The following TNFSF13B variants were observed in gnomAD, a reference collection of about 807,000 sequenced individuals.
TNFSF13B encodes tumor necrosis factor ligand superfamily member 13B.
In TNFSF13B, 8 loss-of-function variants were observed where a neutral mutation model predicts 29.1. The ratio of observed to expected loss-of-function variants is 0.27; its 90% CI spans 0.16 to 0.50. TNFSF13B has a LOEUF of 0.50. Ranked by LOEUF, TNFSF13B falls within the 20% of genes least tolerant of loss-of-function variation. The pLI is 0.98. For synonymous variants in TNFSF13B, 125 were observed against 130.8 expected, an observed-to-expected ratio of 0.96 and a Z score of 0.30; for missense variants, 248 against 334.9, an observed-to-expected ratio of 0.74 and a Z score of 2.03.
chr13:108,294,904 G>C, intron 3 of TNFSF13B, among the ~76,000 whole-genome samples: 1 of 144,850 alleles, frequency 6.9e-6, no homozygotes, highest in East Asian at 1.9e-4. Context: ...GTCTGTTTAG[G>C]TTTTTTATTT....
intron 2 of TNFSF13B, among the ~76,000 whole-genome samples, chr13:108,275,747 C>T (rs1880745329): frequency 6.6e-6 from 1 of 152,082 alleles, no homozygotes; most frequent in African/African-American, 2.4e-5. Flanking sequence ...ATACTAACAT[C>T]TTATATGAAC....
At position 108,303,730 on chromosome 13, in the gene TNFSF13B, C is replaced by T. The variant is rs563188471; in HGVS notation, c.745+126C>T. On this transcript the variant is annotated intron_variant, in intron 5 of 5. Transcript: ENST00000375887. Reference sequence around the variant, plus strand: ...TACAAATAGACAGAAAGACATTCCTCAATATATTGTGTTTTTTAAATCTTG... The same window carrying T: ...TACAAATAGACAGAAAGACATTCCTTAATATATTGTGTTTTTTAAATCTTG... 1.5e-5 allele frequency: 14 copies of T among 955,156 alleles called. No homozygotes were observed. In the East Asian group the frequency reaches 3.3e-4, roughly 22 times the overall value. The allele number at this position is 955,156 out of a possible 1,614,324, so 59.2% of individuals were successfully genotyped here. A position where few individuals can be genotyped will look rare whatever the true frequency, so the allele number is the denominator to read the frequency against.
Position 108,295,569 on chromosome 13 carries a change from C to T in TNFSF13B, c.482-7684C>T, listed in dbSNP as rs900326700. On this transcript the variant is annotated intron_variant, in intron 3 of 5. Transcript: ENST00000375887. ...ATTATCTGATCTTTATTATTTTCTT[C>T]CTTCTGTCAATTTTGGGCTTAGTTT... Among the ~76,000 whole-genome samples the T allele has an allele frequency of 6.9e-5, 10 of 144,614 alleles. No individual in the cohort carries two copies. In the South Asian group the frequency reaches 2.2e-3, roughly 31 times the overall value. The allele number at this position is 144,614 out of a possible 152,430, so 94.9% of individuals were successfully genotyped here.
intron 3 of TNFSF13B, among the ~76,000 whole-genome samples, chr13:108,289,599 TATA>T (rs200505973): frequency 0.024 from 3,532 of 147,800 alleles, 136 homozygotes; most frequent in African/African-American, 0.08. Flanking sequence ...AATAATTATA[TATA>T]ATAATATATT....
intron 5 of TNFSF13B, 70 bp from the exon 6 acceptor site, chr13:108,306,742 TACAGAACAAAATAG>T: frequency 1.2e-6 from 1 of 822,834 alleles, no homozygotes; most frequent in South Asian, 1.7e-5. Flanking sequence ...ATTTTTTTTT[TACAGAACAAAATAG>T]TTTTATTTAA....
chr13:108,297,411 G>A lies in TNFSF13B; in HGVS notation c.482-5842G>A, dbSNP rs1461615967. On this transcript the variant is annotated intron_variant, in intron 3 of 5. Coordinates refer to ENST00000375887, the MANE Select transcript of TNFSF13B (RefSeq NM_006573.5). ...TCTTTTAATAGCTTGATTTTAAGAA[G>A]TCTTGGTAGGAATCTTTTGTGTTTA... is the stretch of plus-strand genomic sequence containing the variant. Among the ~76,000 whole-genome samples, 3 of 145,172 alleles carry A rather than the reference G, an allele frequency of 2.1e-5. 1 individual carries two copies. The highest frequency in any genetic ancestry group is 7.8e-5 in the African/African-American group (3 of 38,704).
In TNFSF13B at chr13:108,306,953, G is replaced by T; in HGVS notation, c.*15G>T. 1.5e-6 allele frequency: 2 copies of T among 1,309,688 alleles called. No homozygotes were observed. Among genetic ancestry groups the T allele is most frequent in the Admixed American group, 4.3e-5 (2 of 46,834 alleles). The allele number at this position is 1,309,688 out of a possible 1,614,324, so 81.1% of individuals were successfully genotyped here. A position where few individuals can be genotyped will look rare whatever the true frequency, so the allele number is the denominator to read the frequency against. ...AACTGCTGTGACCTACTTACACCAT[G>T]TCTGTAGCTATTTTCCTCCCTTTCT... On this transcript the variant is annotated 3_prime_UTR_variant, in exon 6 of 6. Transcript: ENST00000375887.
chr13:108,286,927 A>C, intron 3 of TNFSF13B, 68 bp downstream of exon 3: 1 of 1,149,130 alleles, frequency 8.7e-7, no homozygotes, highest in East Asian at 2.8e-5. Flanking sequence ...GATTAAGAAA[A>C]TGTGGCACAT....
intron 3 of TNFSF13B, among the ~76,000 whole-genome samples, chr13:108,302,615 C>A (rs1345476257): frequency 1.3e-5 from 2 of 152,238 alleles, no homozygotes; most frequent in East Asian, 3.9e-4. Flanking sequence ...CAGTGGTCTC[C>A]TTGTCACTAC....
At position 108,303,245 on chromosome 13, in the gene TNFSF13B, C is replaced by G; in HGVS notation, c.482-8C>G. On this transcript the variant is annotated splice_region_variant and splice_polypyrimidine_tract_variant and intron_variant, in intron 3 of 5. Coordinates refer to ENST00000375887, the MANE Select transcript of TNFSF13B (RefSeq NM_006573.5). ...TTCTTTCCTTATAAATGATTCTCTT[C>G]ATTGCAGGATCTTACACATTTGTTC... The G allele has an allele frequency of 1.3e-6, 2 of 1,585,056 alleles. No individual in the cohort carries two copies. Among genetic ancestry groups the G allele is most frequent in the Non-Finnish European group, 1.7e-6 (2 of 1,161,748 alleles).
chr13:108,293,019 C>G (rs1881366283), intron 3 of TNFSF13B, among the ~76,000 whole-genome samples: 1 of 152,030 alleles, frequency 6.6e-6, no homozygotes, highest in African/African-American at 2.4e-5. Flanking sequence ...TCATGATTCA[C>G]CCATATGTTT....
At position 108,307,848 on chromosome 13, in the gene TNFSF13B, T is replaced by C. The variant is rs1324028319; in HGVS notation, c.*910T>C. On this transcript the variant is annotated 3_prime_UTR_variant, in exon 6 of 6. Transcript: ENST00000375887. ...GTTTCAAACTGCTGCTATTGTAGTT[T>C]ACATATCCCAACCTTTAAAAATATT... 5 of 152,112 alleles carry C rather than the reference T, an allele frequency of 3.3e-5. No homozygotes were observed. Among genetic ancestry groups the C allele is most frequent in the African/African-American group, 1.2e-4 (5 of 41,440 alleles). The allele number at this position is 152,112 out of a possible 1,614,324, so 9.4% of individuals were successfully genotyped here.
intron 5 of TNFSF13B, among the ~76,000 whole-genome samples, chr13:108,304,121 G>C (rs1321065929): frequency 6.6e-6 from 1 of 152,168 alleles, no homozygotes. Flanking sequence ...TTTAGACTTG[G>C]TTTAAACCAG....
intron 3 of TNFSF13B, among the ~76,000 whole-genome samples, chr13:108,294,499 A>G (rs1881412492): frequency 6.6e-6 from 1 of 151,978 alleles, no homozygotes; most frequent in Non-Finnish European, 1.5e-5. Flanking sequence ...CTGTATATAG[A>G]ATTATGATAT....
At chr13:108,306,715 T>C in intron 5 of TNFSF13B, 111 bp from the exon 6 acceptor site, 1 of 611,950 alleles carries the variant, frequency 1.6e-6, no homozygotes, top group Non-Finnish European at 2.8e-6. Context: ...TTTTGAAGTG[T>C]GAATGCCTAT....
chr13:108,277,542 G>T (rs1037291008), intron 2 of TNFSF13B, among the ~76,000 whole-genome samples: 1 of 152,068 alleles, frequency 6.6e-6, no homozygotes, highest in Non-Finnish European at 1.5e-5. Flanking sequence ...TGGATCTGAC[G>T]CCAGAAAAAA....
chr13:108,280,063 C>T lies in TNFSF13B; in HGVS notation c.425-6740C>T, dbSNP rs116369588. Among the ~76,000 whole-genome samples, 1,347 of 142,248 alleles carry T rather than the reference C, an allele frequency of 9.5e-3. 14 individuals are homozygous for T. Among genetic ancestry groups the T allele is most frequent in the African/African-American group, 0.034 (1,296 of 38,568 alleles). The allele number at this position is 142,248 out of a possible 152,430, so 93.3% of individuals were successfully genotyped here. ...GTAAACTCCCTGGGGGCAGGGATGG[C>T]GTCTGCTTTTTTTTTTTTTTTTTTG... On this transcript the variant is annotated intron_variant, in intron 2 of 5. Transcript: ENST00000375887.
chr13:108,306,469 C>G (rs1010136103), intron 5 of TNFSF13B, among the ~76,000 whole-genome samples: 2 of 151,406 alleles, frequency 1.3e-5, no homozygotes, highest in African/African-American at 4.8e-5. Context: ...AAAAACTTTC[C>G]CTGTCAACAA....
chr13:108,275,666 A>T (rs1311379603), intron 2 of TNFSF13B, among the ~76,000 whole-genome samples: 2 of 152,078 alleles, frequency 1.3e-5, no homozygotes, highest in Admixed American at 6.6e-5. Flanking sequence ...TGAGCTTGGG[A>T]TTGTTTAAGA....
Sources: allele counts gnomAD v4.1 joint callset (sites outside exome capture counted in the v4.1 genomes callset), GRCh38; gene constraint gnomAD v4.1.1; transcripts MANE v1.5; gene names NCBI Gene and HGNC (gene_info 2026-07-23, HGNC 2026-07-21).